PPP1R12A: variants seen among roughly 807,000 people sequenced by gnomAD.
PPP1R12A encodes the protein protein phosphatase 1 regulatory subunit 12A.
Under a neutral mutation model 139.6 loss-of-function variants are expected in PPP1R12A, and 19 were observed. The ratio of observed to expected loss-of-function variants is 0.14; its 90% CI spans 0.09 to 0.20. The LOEUF (loss-of-function observed/expected upper bound fraction) is 0.20, where lower values mean the gene tolerates loss of function less well. Ranked by LOEUF, PPP1R12A falls within the 10% of genes least tolerant of loss-of-function variation. The probability of loss-of-function intolerance (pLI) is 1.00; values close to 1 mark genes in which losing one functional copy is unlikely to be tolerated. For synonymous variants in PPP1R12A, 427 were observed against 420.6 expected (o/e 1.02, Z -0.19); for missense variants, 925 against 1,211.5 (o/e 0.76, Z 3.51).
intron 4 of PPP1R12A, among the ~76,000 whole-genome samples, chr12:79,829,981 A>G (rs1052799649): frequency 5.3e-5 from 8 of 152,246 alleles, no homozygotes; most frequent in Middle Eastern, 3.4e-3. Context: ...AATCAAATTG[A>G]AAGGAGTTGT....
intron 1 of PPP1R12A, among the ~76,000 whole-genome samples, chr12:79,915,420 C>T (rs1421052730): frequency 6.6e-6 from 1 of 152,118 alleles, no homozygotes; most frequent in Non-Finnish European, 1.5e-5. Flanking sequence ...ACACATTCTA[C>T]AGATGTGATC....
At chr12:79,887,985 C>T (rs1030317704) in intron 1 of PPP1R12A, among the ~76,000 whole-genome samples, 5 of 152,078 alleles carry the variant, frequency 3.3e-5, no homozygotes, top group Non-Finnish European at 7.4e-5. Flanking sequence ...ATAGTTAATA[C>T]ACATAGTTGT....
intron 13 of PPP1R12A, 75 bp from the exon 14 acceptor site, chr12:79,805,843 TG>T: frequency 7.1e-7 from 1 of 1,410,760 alleles, no homozygotes; most frequent in South Asian, 1.3e-5. Flanking sequence ...TTCTAGCAGC[TG>T]AAAACACATG....
chr12:79,847,851 A>G (rs574670409), intron 2 of PPP1R12A, among the ~76,000 whole-genome samples: 1 of 152,154 alleles, frequency 6.6e-6, no homozygotes, highest in Non-Finnish European at 1.5e-5. Context: ...GGAACAAAAT[A>G]AAGTCCTGTG....
Position 79,797,215 on chromosome 12 carries a change from A to C in PPP1R12A, c.2272T>G (p.Tyr758Asp). The C allele has an allele frequency of 6.3e-7, 1 of 1,587,062 alleles. No individual in the cohort carries two copies. The highest frequency in any genetic ancestry group is 8.6e-7 in the Non-Finnish European group (1 of 1,166,732). The change falls in exon 16 of 25, where the codon TAC (tyrosine) becomes GAC (aspartate). Residue 758 changes from tyrosine (Y) to aspartate (D), a missense_variant. Tyr to Asp is a radical substitution (Grantham distance 160). Coordinates refer to ENST00000450142, the MANE Select transcript of PPP1R12A (RefSeq NM_002480.3). ...TSREDEYKQK[Y>D]SRTYDETYQR... ...GTTACCTCATCATACGTTCTGGAGT[A>C]CTTTTGTTTATATTCATCTTCTCTA...
intron 1 of PPP1R12A, among the ~76,000 whole-genome samples, chr12:79,919,108 TA>T (rs879414320): frequency 3.3e-4 from 48 of 146,928 alleles, no homozygotes; most frequent in Non-Finnish European, 3.5e-4. Context: ...ACTCTTGTCT[TA>T]AAAAAAAAAA....
At chr12:79,862,223 A>C (rs1881420118) in intron 2 of PPP1R12A, among the ~76,000 whole-genome samples, 1 of 152,170 alleles carries the variant, frequency 6.6e-6, no homozygotes, top group African/African-American at 2.4e-5. Context: ...CCTGCATCTG[A>C]GGGGCCTGTT....
chr12:79,830,730 T>G (rs1016469598), intron 4 of PPP1R12A, among the ~76,000 whole-genome samples: 2 of 152,150 alleles, frequency 1.3e-5, no homozygotes, highest in African/African-American at 4.8e-5. Context: ...TTAAGGACCT[T>G]TAACTGATTC....
At chr12:79,804,592 T>A (rs527533141) in intron 14 of PPP1R12A, among the ~76,000 whole-genome samples, 2 of 152,116 alleles carry the variant, frequency 1.3e-5, no homozygotes, top group East Asian at 3.8e-4. Flanking sequence ...GAACTCTGTA[T>A]GTAAGTACTA....
chr12:79,899,253 TA>T (rs1885419269), intron 1 of PPP1R12A, among the ~76,000 whole-genome samples: 3 of 1,682 alleles, frequency 1.8e-3, no homozygotes, highest in Non-Finnish European at 8.0e-3. Flanking sequence ...TATATATATA[TA>T]TATATATATA....
At chr12:79,917,378 G>C (rs1359005585) in intron 1 of PPP1R12A, among the ~76,000 whole-genome samples, 1 of 151,374 alleles carries the variant, frequency 6.6e-6, no homozygotes, top group Non-Finnish European at 1.5e-5. Flanking sequence ...CCAGCTACTC[G>C]GGAGGCTGAG....
chr12:79,836,017 T>C (rs1878033313), intron 3 of PPP1R12A, among the ~76,000 whole-genome samples: 1 of 152,174 alleles, frequency 6.6e-6, no homozygotes, highest in South Asian at 2.1e-4. Flanking sequence ...AACTCCAAGA[T>C]TACACATGTA....
At position 79,788,716 on chromosome 12, in the gene PPP1R12A, T is replaced by C; in HGVS notation, c.2734A>G (p.Ser912Gly). ...TAAGGTTTTCTTTCTTCTAAGTAAC[T>C]GTATGATCCAGAGCGACCCAGCAAG... Reference protein sequence around the residue: ...DSLLGRSGSYSYLEERKPYSS... With the variant: ...DSLLGRSGSYGYLEERKPYSS... Residue 912 changes from serine to glycine, a missense_variant, in exon 21 of 25, where the codon AGT (serine) becomes GGT (glycine). Around this residue, in one of 4 missense-constraint regions of PPP1R12A, gnomAD observed 315 missense variants for 363.4 expected, o/e 0.87. Coordinates refer to ENST00000450142, the MANE Select transcript of PPP1R12A (RefSeq NM_002480.3). The C allele has an allele frequency of 6.2e-7, 1 of 1,613,438 alleles. No individual in the cohort carries two copies. Among genetic ancestry groups the C allele is most frequent in the African/African-American group, 1.3e-5 (1 of 75,054 alleles).
intron 2 of PPP1R12A, among the ~76,000 whole-genome samples, chr12:79,846,391 C>G (rs1322983327): frequency 1.3e-5 from 2 of 151,974 alleles, no homozygotes; most frequent in African/African-American, 4.8e-5. Flanking sequence ...ATCTACTGAA[C>G]GATGTAACTA....
intron 4 of PPP1R12A, 27 bp downstream of exon 4, chr12:79,832,305 A>G (rs1427134359): frequency 6.4e-7 from 1 of 1,570,284 alleles, no homozygotes; most frequent in South Asian, 1.2e-5. Flanking sequence ...ACTAAAATAG[A>G]AAAACTCTGT....
chr12:79,904,564 T>G (rs936863085), intron 1 of PPP1R12A, among the ~76,000 whole-genome samples: 1 of 152,124 alleles, frequency 6.6e-6, no homozygotes, highest in Non-Finnish European at 1.5e-5. Flanking sequence ...TTTAACAAGC[T>G]CTGAAGAGGA....
intron 3 of PPP1R12A, among the ~76,000 whole-genome samples, chr12:79,844,757 G>A (rs569941205): frequency 1.6e-4 from 24 of 152,144 alleles, no homozygotes; most frequent in Non-Finnish European, 2.9e-4. Context: ...AAGGCCTTAA[G>A]GTGATATGAC....
intron 22 of PPP1R12A, among the ~76,000 whole-genome samples, chr12:79,783,295 CAA>C (rs5799441): frequency 3.4e-5 from 4 of 117,098 alleles, no homozygotes; most frequent in African/African-American, 3.4e-5. Flanking sequence ...CCGTCTCTAC[CAA>C]AAAAAAAAAA....
intron 1 of PPP1R12A, among the ~76,000 whole-genome samples, chr12:79,912,183 T>C (rs1408913084): frequency 1.3e-5 from 2 of 152,184 alleles, no homozygotes; most frequent in Non-Finnish European, 2.9e-5. Context: ...CTACTGGTCT[T>C]TCAGTTCTCA....
Sources: gnomAD v4.1 joint callset for allele counts (sites outside exome capture counted in the v4.1 genomes callset) on GRCh38, gnomAD v4.1.1 for gene constraint, gnomAD v4.1.1 regional missense constraint, MANE v1.5 for transcripts, NCBI Gene and HGNC (gene_info 2026-07-23, HGNC 2026-07-21) for gene names.